The following ZMYM4 variants were observed in gnomAD, a reference collection of about 807,000 sequenced individuals.
The protein encoded by ZMYM4 is zinc finger MYM-type protein 4.
In ZMYM4, 31 loss-of-function variants were observed where a neutral mutation model predicts 183.2. The observed-to-expected ratio is 0.17, with a 90% CI of 0.13 to 0.23. ZMYM4 has a LOEUF of 0.23. Among genes scored for constraint, ZMYM4 ranks in the 10% least tolerant of loss-of-function variants. ZMYM4 has a pLI of 1.00. For synonymous variants in ZMYM4, 592 were observed against 631.2 expected (o/e 0.94, Z 0.93); for missense variants, 1,273 against 1,840.3 (o/e 0.69, Z 5.64).
intron 1 of ZMYM4, among the ~76,000 whole-genome samples, chr1:35,282,548 CTTAT>C (rs952299694): frequency 1.3e-5 from 2 of 152,024 alleles, no homozygotes; most frequent in East Asian, 1.9e-4. Flanking sequence ...TCTGTTTATC[CTTAT>C]TTATTTATTT....
At chr1:35,331,993 C>A (rs1287648673) in intron 2 of ZMYM4, among the ~76,000 whole-genome samples, 1 of 151,340 alleles carries the variant, frequency 6.6e-6, no homozygotes, top group Non-Finnish European at 1.5e-5. Flanking sequence ...GACCCATTTC[C>A]CAGTGAAAAG....
intron 1 of ZMYM4, among the ~76,000 whole-genome samples, chr1:35,325,039 T>G (rs1270859752): frequency 6.6e-6 from 1 of 152,196 alleles, no homozygotes; most frequent in African/African-American, 2.4e-5. Flanking sequence ...TAAGTTCTTA[T>G]GAAGCGTTAG....
At chr1:35,385,215 A>G (rs1644550517) in intron 9 of ZMYM4, among the ~76,000 whole-genome samples, 1 of 152,248 alleles carries the variant, frequency 6.6e-6, no homozygotes, top group Non-Finnish European at 1.5e-5. Context: ...CATGATATTT[A>G]TTCCTCTATA....
At chr1:35,290,143 T>G (rs546041081) in intron 1 of ZMYM4, among the ~76,000 whole-genome samples, 63 of 152,224 alleles carry the variant, frequency 4.1e-4, no homozygotes, top group Non-Finnish European at 8.1e-4. Context: ...AATTTTTGTA[T>G]TTTTAGTAGA....
At chr1:35,327,742 C>T (rs1642565526) in intron 2 of ZMYM4, among the ~76,000 whole-genome samples, 1 of 152,152 alleles carries the variant, frequency 6.6e-6, no homozygotes, top group Non-Finnish European at 1.5e-5. Context: ...GCAGGGTACT[C>T]AGCAAAAGGA....
intron 2 of ZMYM4, among the ~76,000 whole-genome samples, chr1:35,326,410 T>A (rs966492282): frequency 8.5e-5 from 13 of 152,252 alleles, no homozygotes; most frequent in African/African-American, 2.9e-4. Context: ...AATAAATGTT[T>A]GCAAAGCAAA....
chr1:35,316,321 T>G (rs1045548352), intron 1 of ZMYM4, among the ~76,000 whole-genome samples: 1 of 152,208 alleles, frequency 6.6e-6, no homozygotes, highest in African/African-American at 2.4e-5. Flanking sequence ...AATAGTAAGT[T>G]AGTCCTCACT....
At chr1:35,302,200 C>CCTTTTTTTTTTTTTTTTTTTTTTTTTT (rs1641311910) in intron 1 of ZMYM4, among the ~76,000 whole-genome samples, 1 of 58,556 alleles carries the variant, frequency 1.7e-5, no homozygotes, top group African/African-American at 6.4e-5. Context: ...ACGGCTCTTG[C>CCTTTTTTTTTTTTTTTTTTTTTTTTTT]TTTTTTTTTT....
intron 1 of ZMYM4, among the ~76,000 whole-genome samples, chr1:35,273,846 A>C (rs936432087): frequency 6.6e-6 from 1 of 152,184 alleles, no homozygotes; most frequent in Non-Finnish European, 1.5e-5. Flanking sequence ...AAATTTCACA[A>C]AGTGGAAAAA....
At chr1:35,342,381 G>T (rs561156331) in intron 2 of ZMYM4, among the ~76,000 whole-genome samples, 1 of 151,784 alleles carries the variant, frequency 6.6e-6, no homozygotes, top group African/African-American at 2.4e-5. Context: ...GGCTGGTCTC[G>T]AACTCCTGGG....
intron 1 of ZMYM4, among the ~76,000 whole-genome samples, chr1:35,288,014 C>T (rs1640590239): frequency 6.6e-6 from 1 of 152,158 alleles, no homozygotes; most frequent in Admixed American, 6.5e-5. Flanking sequence ...CATATTATCT[C>T]TATTAGTTAC....
chr1:35,405,100 G>A lies in ZMYM4; in HGVS notation c.3606G>A (p.Gly1202=). The A allele has an allele frequency of 6.2e-7, 1 of 1,614,120 alleles. No individual in the cohort carries two copies. The change falls in exon 24 of 30, where the codon GGG becomes GGA. Residue 1202 remains glycine (G), a synonymous_variant. Coordinates refer to ENST00000314607, the MANE Select transcript of ZMYM4 (RefSeq NM_005095.3). The part of the protein sequence containing the change: ...QGAFQGCSVS[G]MTLKYMYGVN... ...CCTTTCAAGGCTGCTCAGTGTCCGGGATGACACTGAAATACATGTATGGGG... is the reference window on the plus strand; with the variant it reads ...CCTTTCAAGGCTGCTCAGTGTCCGGAATGACACTGAAATACATGTATGGGG...
intron 28 of ZMYM4, among the ~76,000 whole-genome samples, chr1:35,416,786 A>T (rs1482532769): frequency 6.6e-6 from 1 of 151,894 alleles, no homozygotes; most frequent in Admixed American, 6.6e-5. Flanking sequence ...CTGGTCTCGA[A>T]CTCCTGACCT....
At chr1:35,410,489 AATTT>A (rs1223170509) in intron 26 of ZMYM4, among the ~76,000 whole-genome samples, 4 of 151,018 alleles carry the variant, frequency 2.6e-5, no homozygotes, top group Non-Finnish European at 3.0e-5. Flanking sequence ...TTTATTAATT[AATTT>A]ATTTATTTAT....
chr1:35,374,998 T>C (rs888420362), intron 7 of ZMYM4, among the ~76,000 whole-genome samples: 3 of 152,164 alleles, frequency 2.0e-5, no homozygotes, highest in Non-Finnish European at 2.9e-5. Flanking sequence ...ATCCAAATTT[T>C]CCATTTCTTT....
In ZMYM4 at chr1:35,360,547, A is replaced by G. The variant is rs72897130; in HGVS notation, c.608-647A>G. Among the ~76,000 whole-genome samples, 261 of 152,218 alleles carry G rather than the reference A, an allele frequency of 1.7e-3. 2 individuals are homozygous for G. The highest frequency in any genetic ancestry group is 6.0e-3 in the African/African-American group (250 of 41,586). On this transcript the variant is annotated intron_variant, in intron 3 of 29. Coordinates refer to ENST00000314607, the MANE Select transcript of ZMYM4 (RefSeq NM_005095.3). ...TATTTTTCTCTATAATTCAGTATAT[A>G]TTTCCAATATCCCTTCTTGGGGTAT... is the stretch of plus-strand genomic sequence containing the variant.
At position 35,361,190 on chromosome 1, in the gene ZMYM4, A is replaced by G. The variant is rs773838912; in HGVS notation, c.608-4A>G. The G allele has an allele frequency of 1.1e-5, 17 of 1,584,116 alleles. No individual in the cohort carries two copies. The South Asian group carries it at 1.2e-4, about 11-fold the overall frequency. On this transcript the variant is annotated splice_region_variant and splice_polypyrimidine_tract_variant and intron_variant, in intron 3 of 29. Coordinates refer to ENST00000314607, the MANE Select transcript of ZMYM4 (RefSeq NM_005095.3). Reference sequence around the variant, plus strand: ...TTTGTTTGTTTTTTTTTTCCTTTCAATAGCTAATCAAGTTGAAGAAACATT... The same window carrying G: ...TTTGTTTGTTTTTTTTTTCCTTTCAGTAGCTAATCAAGTTGAAGAAACATT...
Position 35,370,639 on chromosome 1 carries a change from T to G in ZMYM4, c.1181+12T>G. 6.4e-7 allele frequency: 1 copy of G among 1,569,272 alleles called. No homozygotes were observed. Among genetic ancestry groups the G allele is most frequent in the Non-Finnish European group, 8.7e-7 (1 of 1,154,220 alleles). On this transcript the variant is annotated intron_variant, in intron 7 of 29. Coordinates refer to ENST00000314607, the MANE Select transcript of ZMYM4 (RefSeq NM_005095.3). ...TCAAGTTGCTCAAAGTATAGCAGAA[T>G]TCTAAATTATCTTTTTTGTTTCTTT... is the stretch of plus-strand genomic sequence containing the variant.
chr1:35,272,061 G>T (rs1639635889), intron 1 of ZMYM4, among the ~76,000 whole-genome samples: 1 of 152,156 alleles, frequency 6.6e-6, no homozygotes, highest in Non-Finnish European at 1.5e-5. Context: ...TGTCTTAAAT[G>T]ATATAAGTAC....
Sources: gnomAD v4.1 joint callset for allele counts (sites outside exome capture counted in the v4.1 genomes callset) on GRCh38, gnomAD v4.1.1 for gene constraint, MANE v1.5 for transcripts, NCBI Gene and HGNC (gene_info 2026-07-23, HGNC 2026-07-21) for gene names.